Variants in EXD3 observed in about 807,000 individuals in gnomAD.
The protein encoded by EXD3 is exonuclease 3'-5' domain containing 3.
In EXD3, 92 loss-of-function variants were observed where a neutral mutation model predicts 98.0. The observed-to-expected ratio is 0.94, with a 90% CI of 0.79 to 1.12. EXD3 has a LOEUF of 1.12. Among genes scored for constraint, EXD3 ranks in the 50% most tolerant of loss-of-function variants. EXD3 has a pLI of 0.00. For missense variants in EXD3, 1,222 were observed against 1,191.6 expected (o/e 1.03, Z -0.38); for synonymous variants, 569 against 526.0 (o/e 1.08, Z -1.12).
intron 17 of EXD3, among the ~76,000 whole-genome samples, chr9:137,331,185 C>G (rs540312452): frequency 6.6e-6 from 1 of 152,254 alleles, no homozygotes; most frequent in South Asian, 2.1e-4. Context: ...GCATACAAAG[C>G]ACTTGACAAA....
intron 7 of EXD3, chr9:137,365,725 AAC>A (rs565118417): frequency 3.6e-4 from 108 of 297,096 alleles, no homozygotes; most frequent in African/African-American, 1.8e-3. Flanking sequence ...CACACATACA[AAC>A]ACACACCTAC....
chr9:137,388,949 C>T (rs1450526884), intron 2 of EXD3, among the ~76,000 whole-genome samples: 2 of 152,222 alleles, frequency 1.3e-5, no homozygotes, highest in Non-Finnish European at 2.9e-5. Flanking sequence ...CCACGGACAG[C>T]AGAAAGGGCC....
chr9:137,355,450 TGGAGGAA>T (rs1375173621), intron 8 of EXD3, among the ~76,000 whole-genome samples: 2 of 9,540 alleles, frequency 2.1e-4, no homozygotes, highest in African/African-American at 5.4e-4. Flanking sequence ...GAAGGGAGGA[TGGAGGAA>T]GGAGAAAGGA....
At chr9:137,396,991 C>A (rs1837246938) in intron 1 of EXD3, among the ~76,000 whole-genome samples, 2 of 152,236 alleles carry the variant, frequency 1.3e-5, no homozygotes, top group African/African-American at 4.8e-5. Flanking sequence ...CACTGGGGGA[C>A]ACACACCTGC....
intron 17 of EXD3, among the ~76,000 whole-genome samples, chr9:137,328,971 AG>A (rs766688283): frequency 0.01 from 5 of 498 alleles, no homozygotes; most frequent in Non-Finnish European, 0.016. Context: ...GCTACACGGG[AG>A]CTACACGGGA....
Position 137,321,874 on chromosome 9 carries a change from C to T in EXD3, c.2184+1851G>A, listed in dbSNP as rs143457329. 1.1e-4 allele frequency among the ~76,000 whole-genome samples: 16 copies of T among 152,294 alleles called. No homozygotes were observed. In the East Asian group the frequency reaches 2.1e-3, roughly 20 times the overall value. ...CCCGTGTCGCCCACGGAGACCCTGG[C>T]GCCTTGAGTGGAGGCGCAAAAGGCA... On this transcript the variant is annotated intron_variant, in intron 19 of 21. Transcript: ENST00000340951.
chr9:137,345,862 A>G (rs1833903055), intron 17 of EXD3: 1 of 152,094 alleles, frequency 6.6e-6, no homozygotes, highest in African/African-American at 2.4e-5. Flanking sequence ...CTAGACCGAC[A>G]TAAACAGACA....
chr9:137,376,389 C>T (rs1835905927), intron 3 of EXD3, among the ~76,000 whole-genome samples: 1 of 151,026 alleles, frequency 6.6e-6, no homozygotes, highest in African/African-American at 2.4e-5. Context: ...GATAGCCTTC[C>T]ACCTCCTGTT....
chr9:137,360,518 T>C (rs1834968957), intron 7 of EXD3, among the ~76,000 whole-genome samples: 1 of 76,030 alleles, frequency 1.3e-5, no homozygotes, highest in Admixed American at 1.7e-4. Context: ...TGGTGTGCAA[T>C]GGCACGATAT....
intron 19 of EXD3, among the ~76,000 whole-genome samples, chr9:137,313,982 G>A (rs113534900): frequency 1.3e-5 from 2 of 152,266 alleles, no homozygotes; most frequent in African/African-American, 2.4e-5. Flanking sequence ...GGCGGGGGTC[G>A]CCAGTGTGCC....
At chr9:137,327,105 G>T (rs1361813877) in intron 17 of EXD3, among the ~76,000 whole-genome samples, 1 of 152,028 alleles carries the variant, frequency 6.6e-6, no homozygotes, top group East Asian at 1.9e-4. Context: ...GCTAGAAGGA[G>T]GGGAGGGGAG....
At position 137,324,604 on chromosome 9, in the gene EXD3, G is replaced by T. The variant is rs1422491281; in HGVS notation, c.1999-461C>A. 6.6e-6 allele frequency among the ~76,000 whole-genome samples: 1 copy of T among 152,218 alleles called. No individual in the cohort carries two copies. Among genetic ancestry groups the T allele is most frequent in the Non-Finnish European group, 1.5e-5 (1 of 68,044 alleles). ...CGTGGCTCTTCCCAAAGCTTTGTAT[G>T]AACTGTGGCATAAAACAGATGGATC... is the stretch of plus-strand genomic sequence containing the variant. On this transcript the variant is annotated intron_variant, in intron 17 of 21. Transcript: ENST00000340951. This position sits in a 1 kb window ranked among gnomAD's most constrained non-coding sequence, Gnocchi z 4.1.
rs1249967229 is a variant in EXD3, at chr9:137,351,308, C to T, written c.1384+10G>A. 1.9e-6 allele frequency: 3 copies of T among 1,609,086 alleles called. No homozygotes were observed. Among genetic ancestry groups the T allele is most frequent in the Non-Finnish European group, 2.5e-6 (3 of 1,178,556 alleles). On this transcript the variant is annotated intron_variant, in intron 13 of 21. Coordinates refer to ENST00000340951, the MANE Select transcript of EXD3 (RefSeq NM_017820.5). ...CTGGACTGGGCAGGGGGCCCCAGGG[C>T]TTCACTCACCCAGCTTGGTGATAGA...
chr9:137,422,123 A>C (rs561420595), intron 1 of EXD3, among the ~76,000 whole-genome samples: 2 of 151,688 alleles, frequency 1.3e-5, no homozygotes, highest in East Asian at 1.9e-4. Flanking sequence ...AAAAAAAAAA[A>C]AAAAAAAAAA....
chr9:137,311,447 G>A (rs1228982222), intron 19 of EXD3, among the ~76,000 whole-genome samples: 1 of 152,082 alleles, frequency 6.6e-6, no homozygotes, highest in Non-Finnish European at 1.5e-5. Flanking sequence ...GAGAGGTGGC[G>A]AGGCTGCAGC....
At chr9:137,384,544 C>G in intron 2 of EXD3, among the ~76,000 whole-genome samples, 1 of 152,214 alleles carries the variant, frequency 6.6e-6, no homozygotes, top group Non-Finnish European at 1.5e-5. Context: ...ATGCCACAGC[C>G]CGGCCTGGAG....
chr9:137,339,496 C>CAA (rs57029740), intron 17 of EXD3, among the ~76,000 whole-genome samples: 944 of 92,598 alleles, frequency 0.01, 11 homozygotes, highest in African/African-American at 0.031. Flanking sequence ...GACGCCACTT[C>CAA]AAAAAAAAAA....
At chr9:137,367,376 G>A (rs1485417240) in intron 6 of EXD3, among the ~76,000 whole-genome samples, 3 of 152,104 alleles carry the variant, frequency 2.0e-5, no homozygotes, top group African/African-American at 7.2e-5. Flanking sequence ...GATGCGTCCC[G>A]TCCCCACCTG....
At chr9:137,354,298 C>T (rs1834489014) in intron 10 of EXD3, 41 bp downstream of exon 10, 3 of 1,608,658 alleles carry the variant, frequency 1.9e-6, no homozygotes, top group Non-Finnish European at 2.5e-6. Context: ...GACAGCCGCC[C>T]AGGCCGCCCT....
Sources: allele counts gnomAD v4.1 joint callset (sites outside exome capture counted in the v4.1 genomes callset), GRCh38; gene constraint gnomAD v4.1.1; non-coding constraint Gnocchi (gnomAD v3.1); transcripts MANE v1.5; gene names NCBI Gene and HGNC (gene_info 2026-07-23, HGNC 2026-07-21).